The following PASK variants were observed in gnomAD, a reference collection of about 807,000 sequenced individuals.
PASK encodes PAS domain containing serine/threonine kinase, also known as PAS domain-containing serine/threonine-protein kinase.
A neutral mutation model predicts 121.0 loss-of-function variants in PASK; 110 were observed. That is an observed-to-expected ratio of 0.91 (90% confidence interval 0.78 to 1.06). The LOEUF (loss-of-function observed/expected upper bound fraction) is 1.06. PASK is among the 50% of genes least tolerant of loss of function. The pLI, the probability that PASK is intolerant of heterozygous loss-of-function variation, is 0.00. For missense variants in PASK, 1,643 were observed against 1,702.3 expected (o/e 0.97, Z 0.61); for synonymous variants, 686 against 717.8 (o/e 0.96, Z 0.71).
intron 12 of PASK, among the ~76,000 whole-genome samples, chr2:241,120,471 C>T (rs556083605): frequency 1.0e-4 from 14 of 138,344 alleles, no homozygotes; most frequent in South Asian, 7.0e-4. Context: ...CCAGCCTGGG[C>T]GACAAAGCAA....
At chr2:241,127,971 C>G (rs2125431107) in intron 9 of PASK, among the ~76,000 whole-genome samples, 1 of 152,358 alleles carries the variant, frequency 6.6e-6, no homozygotes, top group Middle Eastern at 3.4e-3. Context: ...CAGATGGGGC[C>G]CACACAGAAG....
intron 12 of PASK, among the ~76,000 whole-genome samples, chr2:241,116,884 G>C (rs896861648): frequency 6.6e-6 from 1 of 152,180 alleles, no homozygotes; most frequent in African/African-American, 2.4e-5. Context: ...ACCAAGGAAC[G>C]ATGAGTGCCA....
Position 241,129,565 on chromosome 2 carries a change from T to C in PASK, c.1464-2114A>G, listed in dbSNP as rs188212742. On this transcript the variant is annotated intron_variant, in intron 9 of 17. Transcript: ENST00000234040. ...GGCCAATTTGACCGTCCAATGCTTT[T>C]AGCATCAATTCTAAGAAAAATATTT... 2.9e-4 allele frequency among the ~76,000 whole-genome samples: 44 copies of C among 152,372 alleles called. No homozygotes were observed. In the East Asian group the frequency reaches 8.1e-3, roughly 28 times the overall value.
rs752798630 is a variant in PASK at position 241,139,680 on chromosome 2, G to C, written c.600+205C>G. 5.2e-4 allele frequency: 367 copies of C among 707,888 alleles called. 1 individual carries two copies. Among genetic ancestry groups the C allele is most frequent in the Admixed American group, 1.8e-3 (88 of 49,602 alleles). The allele number at this position is 707,888 out of a possible 1,614,324, so 43.9% of individuals were successfully genotyped here. Reference sequence around the variant, plus strand: ...CCACAGCCACAGTGTCCATTCCTGCGATGATTCGTTCTTAAAGGGCCCCCA... The same window carrying C: ...CCACAGCCACAGTGTCCATTCCTGCCATGATTCGTTCTTAAAGGGCCCCCA... On this transcript the variant is annotated intron_variant, in intron 4 of 17. Coordinates refer to ENST00000234040, the MANE Select transcript of PASK (RefSeq NM_015148.4).
chr2:241,115,253 C>T (rs1667798763), intron 13 of PASK, 35 bp downstream of exon 13: 3 of 1,613,858 alleles, frequency 1.9e-6, no homozygotes, highest in Admixed American at 1.7e-5. Context: ...TTGACATGAG[C>T]CAAGTTAGGG....
In PASK at chr2:241,106,824, G is replaced by A. The variant is rs1292946508; in HGVS notation, c.3815-101C>T. 14 of 1,182,558 alleles carry A rather than the reference G, an allele frequency of 1.2e-5. No homozygotes were observed. In the East Asian group the frequency reaches 2.4e-4, roughly 20 times the overall value. The allele number at this position is 1,182,558 out of a possible 1,614,324, so 73.3% of individuals were successfully genotyped here. A position where few individuals can be genotyped will look rare whatever the true frequency, so the allele number is the denominator to read the frequency against. On this transcript the variant is annotated intron_variant, in intron 17 of 17. Coordinates refer to ENST00000234040, the MANE Select transcript of PASK (RefSeq NM_015148.4). ...AAGTCCTAGAACAAAAGCCTAAGGT[G>A]AGGCCCTCAGAAATCCAACTGGCAA...
intron 9 of PASK, among the ~76,000 whole-genome samples, chr2:241,132,515 C>T (rs1256079072): frequency 1.1e-4 from 12 of 108,456 alleles, no homozygotes; most frequent in African/African-American, 4.2e-4. Context: ...GGTGACACAG[C>T]GAGACTCTGT....
chr2:241,143,133 A>G, intron 1 of PASK, 59 bp from the exon 2 acceptor site: 1 of 904,680 alleles, frequency 1.1e-6, no homozygotes, highest in Non-Finnish European at 1.8e-6. Context: ...AGACAGTTTA[A>G]CCAACTAATT....
At chr2:241,140,171 C>T in intron 3 of PASK, 116 bp from the exon 4 acceptor site, 1 of 834,670 alleles carries the variant, frequency 1.2e-6, no homozygotes, top group Admixed American at 2.0e-5. Flanking sequence ...GACAGGGTCT[C>T]ACTCTGTTGC....
At chr2:241,124,445 G>C (rs945012418) in intron 10 of PASK, among the ~76,000 whole-genome samples, 3 of 152,236 alleles carry the variant, frequency 2.0e-5, no homozygotes, top group African/African-American at 7.2e-5. Flanking sequence ...GCCTGTAGCG[G>C]AGGGTGCAGA....
rs190269037 is a variant in PASK at position 241,137,930 on chromosome 2, G to C, written c.876+23C>G. 4.1e-4 allele frequency: 667 copies of C among 1,613,280 alleles called. 5 individuals are homozygous for C. The African/African-American group carries it at 7.1e-3, about 17-fold the overall frequency. On this transcript the variant is annotated intron_variant, in intron 6 of 17. Transcript: ENST00000234040. ...GCTAAGAACTCCACCCCATCACACAGTGCGGGAGGTCAGGAGCCCTACCTT... is the reference window on the plus strand; with the variant it reads ...GCTAAGAACTCCACCCCATCACACACTGCGGGAGGTCAGGAGCCCTACCTT...
At chr2:241,115,955 GCCGGGGCCACCTGGTCCTCAAGCATCCCA>G (rs2065336119) in intron 12 of PASK, among the ~76,000 whole-genome samples, 1 of 73,626 alleles carries the variant, frequency 1.4e-5, no homozygotes, top group Non-Finnish European at 2.1e-5. Context: ...ATCCCATTAC[GCCGGGGCCACCTGGTCCTCAAGCATCCCA>G]TTACACCAGG....
upstream of PASK, chr2:241,149,679 C>T (rs1001949053): frequency 7.8e-6 from 12 of 1,548,228 alleles, no homozygotes; most frequent in African/African-American, 1.2e-4. Context: ...CGGGCAGATG[C>T]GGTTTCCTCC....
chr2:241,108,114 G>A lies in PASK; in HGVS notation c.3667+53C>T, dbSNP rs2064961599. ...GAATGAGGAAATGGGAAAAAAAAGT[G>A]GCTGGTCTCTAAGGACAGTGTCGAC... On this transcript the variant is annotated intron_variant, in intron 16 of 17. Coordinates refer to ENST00000234040, the MANE Select transcript of PASK (RefSeq NM_015148.4). The surrounding 1 kb of genome is among the most constrained non-coding windows in gnomAD (Gnocchi z 5.2). The A allele has an allele frequency of 7.5e-6, 12 of 1,590,250 alleles. No homozygotes were observed. The highest frequency in any genetic ancestry group is 9.5e-6 in the Non-Finnish European group (11 of 1,158,440).
chr2:241,113,658 G>T, intron 14 of PASK: 2 of 915,128 alleles, frequency 2.2e-6, no homozygotes, highest in Non-Finnish European at 2.6e-6. Flanking sequence ...GTTTCATTAA[G>T]ATTTATTAAC....
At chr2:241,115,220 TCAAGTCA>T (rs753679021) in intron 13 of PASK, 43 bp from the exon 14 acceptor site, 1 of 1,613,998 alleles carries the variant, frequency 6.2e-7, no homozygotes, top group Non-Finnish European at 8.5e-7. Flanking sequence ...CAAAACATCT[TCAAGTCA>T]ACAAATTGAA....
chr2:241,130,633 GCT>G (rs1278018296), intron 9 of PASK, among the ~76,000 whole-genome samples: 1 of 152,156 alleles, frequency 6.6e-6, no homozygotes, highest in Non-Finnish European at 1.5e-5. Context: ...TTGAGCGCCT[GCT>G]CTGTTCCACT....
chr2:241,149,375 G>A, intron 1 of PASK, 39 bp downstream of exon 1: 1 of 388,702 alleles, frequency 2.6e-6, no homozygotes, highest in Non-Finnish European at 4.7e-6. Context: ...TGGGGAGATG[G>A]CGGAGCCCGG....
intron 9 of PASK, 25 bp from the exon 10 acceptor site, chr2:241,127,476 A>C (rs749904413): frequency 6.3e-7 from 1 of 1,582,284 alleles, no homozygotes; most frequent in Admixed American, 1.7e-5. Context: ...ATGGGTGACC[A>C]TCATGTAGGG....
Sources: gnomAD v4.1 joint callset for allele counts (sites outside exome capture counted in the v4.1 genomes callset) on GRCh38, gnomAD v4.1.1 for gene constraint, Gnocchi (gnomAD v3.1) non-coding constraint, MANE v1.5 for transcripts, NCBI Gene and HGNC (gene_info 2026-07-23, HGNC 2026-07-21) for gene names.